Variants in EPHB1 observed in about 807,000 individuals in gnomAD.
EPHB1 encodes EPH receptor B1, also known as ephrin type-B receptor 1.
EPHB1 carries 30 observed loss-of-function variants against 94.4 expected under a neutral mutation model. That is an observed-to-expected ratio of 0.32 (90% CI 0.24 to 0.43). The LOEUF is 0.43. EPHB1 is among the 20% of genes least tolerant of loss of function. The pLI is 1.00. For missense variants in EPHB1, 1,055 were observed against 1,308.3 expected (o/e 0.81, Z 2.99); for synonymous variants, 522 against 489.1 (o/e 1.07, Z -0.89).
intron 3 of EPHB1, among the ~76,000 whole-genome samples, chr3:135,048,529 C>T (rs1937075575): frequency 6.6e-6 from 1 of 152,234 alleles, no homozygotes; most frequent in Admixed American, 6.5e-5. Context: ...CTAGGCCTCC[C>T]AAAGTGCTGG....
At chr3:134,796,864 TC>T in intron 1 of EPHB1, among the ~76,000 whole-genome samples, 1 of 152,366 alleles carries the variant, frequency 6.6e-6, no homozygotes, top group East Asian at 1.9e-4. Flanking sequence ...CGCGCAGCGT[TC>T]CCATCTGGGA....
intron 2 of EPHB1, among the ~76,000 whole-genome samples, chr3:134,943,658 C>T (rs150441934): frequency 3.0e-3 from 464 of 152,290 alleles, no homozygotes; most frequent in African/African-American, 0.011. Flanking sequence ...CTCCCCAGGT[C>T]CTCAGTATCA....
intron 2 of EPHB1, among the ~76,000 whole-genome samples, chr3:134,928,052 T>A (rs1387422714): frequency 6.6e-6 from 1 of 152,224 alleles, no homozygotes; most frequent in African/African-American, 2.4e-5. Context: ...TATATCTGGC[T>A]CAGACTCACA....
intron 10 of EPHB1, among the ~76,000 whole-genome samples, chr3:135,187,664 G>T (rs1253611014): frequency 1.3e-5 from 2 of 152,050 alleles, no homozygotes; most frequent in Non-Finnish European, 2.9e-5. Context: ...TGTAGGTTGT[G>T]GTGTGCTCAA....
chr3:135,063,964 G>T (rs111631415), intron 3 of EPHB1, among the ~76,000 whole-genome samples: 13,164 of 152,024 alleles, frequency 0.087, 752 homozygotes, highest in African/African-American at 0.16. Context: ...TGTGGTTTTT[G>T]TTTTTAATTC....
chr3:134,834,085 CCAA>C (rs2036629299), intron 1 of EPHB1, among the ~76,000 whole-genome samples: 1 of 152,002 alleles, frequency 6.6e-6, no homozygotes, highest in South Asian at 2.1e-4. Context: ...ACTAACTAGA[CCAA>C]CTAGAGAGCA....
chr3:135,186,488 TTC>T (rs1353742214), intron 10 of EPHB1, among the ~76,000 whole-genome samples: 1 of 152,244 alleles, frequency 6.6e-6, no homozygotes, highest in Non-Finnish European at 1.5e-5. Flanking sequence ...TTTAAATGTA[TTC>T]TTTAAAAATT....
intron 13 of EPHB1, among the ~76,000 whole-genome samples, chr3:135,243,952 A>T (rs1943856387): frequency 6.6e-6 from 1 of 152,148 alleles, no homozygotes; most frequent in African/African-American, 2.4e-5. Context: ...CACTGCTCTG[A>T]GTTCCTCCAC....
At chr3:134,921,859 G>T (rs987424539) in intron 1 of EPHB1, among the ~76,000 whole-genome samples, 22 of 152,218 alleles carry the variant, frequency 1.4e-4, no homozygotes, top group African/African-American at 5.1e-4. Flanking sequence ...GAGGAGCACA[G>T]GTGGAGAGAG....
chr3:134,981,092 G>A (rs1046616102), intron 3 of EPHB1, among the ~76,000 whole-genome samples: 5 of 152,140 alleles, frequency 3.3e-5, no homozygotes, highest in African/African-American at 7.2e-5. Flanking sequence ...ACACACTGGG[G>A]TCTCCTGAAA....
intron 2 of EPHB1, among the ~76,000 whole-genome samples, chr3:134,927,600 A>G (rs983801665): frequency 6.6e-6 from 1 of 152,230 alleles, no homozygotes; most frequent in South Asian, 2.1e-4. Flanking sequence ...GTGTTTTTAC[A>G]AGGCCCCAAC....
intron 1 of EPHB1, among the ~76,000 whole-genome samples, chr3:134,837,517 C>T (rs2036693324): frequency 6.6e-6 from 1 of 152,102 alleles, no homozygotes; most frequent in African/African-American, 2.4e-5. Context: ...CCTTGTCTGT[C>T]CTGGGAGATG....
At chr3:135,234,987 C>A (rs574222077) in intron 12 of EPHB1, among the ~76,000 whole-genome samples, 1 of 151,860 alleles carries the variant, frequency 6.6e-6, no homozygotes, top group Non-Finnish European at 1.5e-5. Flanking sequence ...AGACATTGCT[C>A]ATCAACACAA....
chr3:135,117,869 G>C (rs1939776161), intron 4 of EPHB1, among the ~76,000 whole-genome samples: 1 of 152,174 alleles, frequency 6.6e-6, no homozygotes, highest in Non-Finnish European at 1.5e-5. Context: ...GAGTGAACTT[G>C]CATGGCAGCT....
intron 1 of EPHB1, among the ~76,000 whole-genome samples, chr3:134,835,188 G>T (rs1486999694): frequency 6.6e-6 from 1 of 152,182 alleles, no homozygotes; most frequent in Non-Finnish European, 1.5e-5. Context: ...ACTCCTAATT[G>T]TAGTGCTTTA....
At chr3:134,872,082 T>A (rs1413177540) in intron 1 of EPHB1, among the ~76,000 whole-genome samples, 2 of 152,226 alleles carry the variant, frequency 1.3e-5, no homozygotes, top group Non-Finnish European at 2.9e-5. Context: ...TTTCTTGACT[T>A]TCTGGTCCTA....
In EPHB1 at chr3:135,201,653, G is replaced by C; in HGVS notation, c.2310G>C (p.Gln770His). The C allele has an allele frequency of 6.2e-7, 1 of 1,613,830 alleles. No individual in the cohort carries two copies. Among genetic ancestry groups the C allele is most frequent in the Non-Finnish European group, 8.5e-7 (1 of 1,179,924 alleles). Reference protein sequence around the residue: ...VSDFGLSRYLQDDTSDPTYTS... With the variant: ...VSDFGLSRYLHDDTSDPTYTS... ...ACTTTGGCCTCTCCCGCTACCTCCAGGATGACACCTCAGATCCCACCTACA... is the reference window on the plus strand; with the variant it reads ...ACTTTGGCCTCTCCCGCTACCTCCACGATGACACCTCAGATCCCACCTACA... Residue 770 changes from glutamine to histidine, a missense_variant, in exon 12 of 16, where the codon CAG becomes CAC. By Grantham distance (24) the Gln-to-His change is conservative (BLOSUM62 0). Coordinates refer to ENST00000398015, the MANE Select transcript of EPHB1 (RefSeq NM_004441.5).
At chr3:135,021,352 T>C (rs1935982293) in intron 3 of EPHB1, among the ~76,000 whole-genome samples, 1 of 152,108 alleles carries the variant, frequency 6.6e-6, no homozygotes, top group Non-Finnish European at 1.5e-5. Flanking sequence ...TCAAATCTTA[T>C]TTTATATATT....
At chr3:135,215,525 C>T (rs922197569) in intron 12 of EPHB1, among the ~76,000 whole-genome samples, 3 of 152,206 alleles carry the variant, frequency 2.0e-5, no homozygotes, top group Non-Finnish European at 2.9e-5. Context: ...TTTCCAGTCA[C>T]TCTATAACAG....
Sources: allele counts gnomAD v4.1 joint callset (sites outside exome capture counted in the v4.1 genomes callset), GRCh38; gene constraint gnomAD v4.1.1; transcripts MANE v1.5; gene names NCBI Gene and HGNC (gene_info 2026-07-23, HGNC 2026-07-21).